CPQ: variants seen among roughly 807,000 people sequenced by gnomAD.
CPQ encodes Ser-Met dipeptidase.
CPQ carries 37 observed loss-of-function variants against 45.7 expected under a neutral mutation model. The ratio of observed to expected loss-of-function variants is 0.81; its 90% CI spans 0.62 to 1.07. The LOEUF is 1.07. Ranked by LOEUF, CPQ falls within the 50% of genes least tolerant of loss-of-function variation. CPQ has a pLI of 0.00. For missense variants in CPQ, 537 were observed against 572.9 expected, an observed-to-expected ratio of 0.94 and a Z score of 0.64; for synonymous variants, 186 against 205.8, an observed-to-expected ratio of 0.90 and a Z score of 0.82.
intron 2 of CPQ, among the ~76,000 whole-genome samples, chr8:96,806,327 A>G (rs998873083): frequency 1.3e-5 from 2 of 152,314 alleles, no homozygotes; most frequent in Non-Finnish European, 2.9e-5. Context: ...TTGGCAAAGC[A>G]GAAACTCTAA....
chr8:96,749,664 C>T (rs1810233561), intron 1 of CPQ, among the ~76,000 whole-genome samples: 1 of 152,000 alleles, frequency 6.6e-6, no homozygotes, highest in Admixed American at 6.6e-5. Context: ...TGAGAATAAG[C>T]GAAATTCAAG....
intron 5 of CPQ, among the ~76,000 whole-genome samples, chr8:97,008,234 C>A (rs11996895): frequency 0.014 from 2,129 of 152,176 alleles, 46 homozygotes; most frequent in African/African-American, 0.048. Flanking sequence ...GCTATTAAAC[C>A]CTCAGTACAC....
At chr8:96,659,386 T>C (rs930657336) in intron 1 of CPQ, 3 of 152,210 alleles carry the variant, frequency 2.0e-5, no homozygotes, top group African/African-American at 7.2e-5. Context: ...AGGGTGGTAG[T>C]TTGCCCTGCA....
intron 1 of CPQ, among the ~76,000 whole-genome samples, chr8:96,778,456 A>G (rs902383186): frequency 1.2e-4 from 18 of 152,186 alleles, no homozygotes; most frequent in Admixed American, 3.9e-4. Context: ...TGGGTCAACT[A>G]ACACCTATTT....
chr8:96,791,091 T>C (rs1487763527), intron 2 of CPQ, among the ~76,000 whole-genome samples: 3 of 152,190 alleles, frequency 2.0e-5, no homozygotes, highest in Non-Finnish European at 4.4e-5. Flanking sequence ...TCCAGTTATC[T>C]GAAAAGGATT....
chr8:96,899,131 G>C (rs1377021784), intron 4 of CPQ, among the ~76,000 whole-genome samples: 1 of 152,098 alleles, frequency 6.6e-6, no homozygotes, highest in Non-Finnish European at 1.5e-5. Context: ...TAAAATTAGG[G>C]TGCTGAGATG....
At chr8:96,861,945 T>G (rs2130867664) in intron 3 of CPQ, among the ~76,000 whole-genome samples, 1 of 152,192 alleles carries the variant, frequency 6.6e-6, no homozygotes, top group South Asian at 2.1e-4. Flanking sequence ...TCAGAGAAAC[T>G]TTCTTGAAGG....
At chr8:96,811,328 A>C (rs1563502942) in intron 2 of CPQ, among the ~76,000 whole-genome samples, 1 of 152,112 alleles carries the variant, frequency 6.6e-6, no homozygotes, top group Non-Finnish European at 1.5e-5. Flanking sequence ...TAGAGCAAGC[A>C]CCAGGCCCTT....
intron 2 of CPQ, among the ~76,000 whole-genome samples, chr8:96,789,346 C>T (rs557909950): frequency 3.3e-5 from 5 of 152,264 alleles, no homozygotes; most frequent in South Asian, 2.1e-4. Context: ...TTTGTTTAAT[C>T]GCTTGACTGT....
chr8:96,750,696 G>A lies in CPQ; in HGVS notation c.-34-34168G>A, dbSNP rs902622986. On this transcript the variant is annotated intron_variant, in intron 1 of 7. Transcript: ENST00000220763. ...ACAGATTTGTTACGTAGGTAAACAT[G>A]TGCCATGGTGGTTTGCTGCACAGAT... Among the ~76,000 whole-genome samples, 5 of 150,282 alleles carry A rather than the reference G, an allele frequency of 3.3e-5. 1 individual carries two copies. The highest frequency in any genetic ancestry group is 2.7e-4 in the Admixed American group (4 of 14,982).
chr8:96,646,838 CTT>C (rs1815524581), intron 1 of CPQ, among the ~76,000 whole-genome samples: 1 of 152,226 alleles, frequency 6.6e-6, no homozygotes, highest in East Asian at 1.9e-4. Flanking sequence ...TCTCTGCTCT[CTT>C]CTTTGCTGTT....
chr8:97,018,325 GTTCT>G (rs1227715342), intron 5 of CPQ, among the ~76,000 whole-genome samples: 1 of 152,070 alleles, frequency 6.6e-6, no homozygotes, highest in Non-Finnish European at 1.5e-5. Flanking sequence ...ACAAAACAGC[GTTCT>G]TTAACATCCC....
intron 4 of CPQ, among the ~76,000 whole-genome samples, chr8:96,951,656 A>G (rs997902349): frequency 6.6e-6 from 1 of 152,118 alleles, no homozygotes; most frequent in Non-Finnish European, 1.5e-5. Context: ...GAATAAGTTC[A>G]TGCTGTTTTA....
At chr8:96,964,833 A>G (rs1416331982) in intron 4 of CPQ, among the ~76,000 whole-genome samples, 1 of 152,166 alleles carries the variant, frequency 6.6e-6, no homozygotes, top group Non-Finnish European at 1.5e-5. Flanking sequence ...GTGTTTAGAT[A>G]TGTAATTCAT....
At chr8:96,845,900 A>G (rs1201036291) in intron 3 of CPQ, among the ~76,000 whole-genome samples, 2 of 152,030 alleles carry the variant, frequency 1.3e-5, no homozygotes, top group Non-Finnish European at 2.9e-5. Flanking sequence ...GCTCACTGCA[A>G]CCTCCGCCTC....
intron 1 of CPQ, among the ~76,000 whole-genome samples, chr8:96,736,574 T>C (rs1294757406): frequency 6.6e-6 from 1 of 152,214 alleles, no homozygotes; most frequent in Non-Finnish European, 1.5e-5. Flanking sequence ...AAATGTGTAT[T>C]GTTGCCTAAC....
At chr8:97,044,951 A>C (rs540415322) in intron 6 of CPQ, among the ~76,000 whole-genome samples, 1 of 152,156 alleles carries the variant, frequency 6.6e-6, no homozygotes, top group Non-Finnish European at 1.5e-5. Context: ...GACCCACTTG[A>C]GGAGGCAGTC....
rs540977090 is a variant in CPQ, at chr8:96,806,229, C to G, written c.433+20899C>G. Among the ~76,000 whole-genome samples, 218 of 152,190 alleles carry G rather than the reference C, an allele frequency of 1.4e-3. 4 individuals carry two copies. The highest frequency in any genetic ancestry group is 0.011 in the Admixed American group (169 of 15,278). On this transcript the variant is annotated intron_variant, in intron 2 of 7. Transcript: ENST00000220763. ...GACATCTTAGAGCCTCACACTACTC[C>G]CTTCCTCAACTTATTTATTTATTGG...
At chr8:97,014,106 T>A (rs1015353089) in intron 5 of CPQ, among the ~76,000 whole-genome samples, 1 of 152,196 alleles carries the variant, frequency 6.6e-6, no homozygotes, top group Non-Finnish European at 1.5e-5. Context: ...TCTAAGAAGA[T>A]GAATCTGGCA....
Sources: gnomAD v4.1 joint callset for allele counts (sites outside exome capture counted in the v4.1 genomes callset) on GRCh38, gnomAD v4.1.1 for gene constraint, MANE v1.5 for transcripts, NCBI Gene and HGNC (gene_info 2026-07-23, HGNC 2026-07-21) for gene names.